The following SSBP3 variants were observed in gnomAD, a reference collection of about 807,000 sequenced individuals.
The protein encoded by SSBP3 is single stranded DNA binding protein 3.
A neutral mutation model predicts 69.6 loss-of-function variants in SSBP3; 5 were observed. The observed-to-expected ratio is 0.07, with a 90% CI of 0.04 to 0.15. The LOEUF (loss-of-function observed/expected upper bound fraction) is 0.15. Ranked by LOEUF, SSBP3 falls within the 10% of genes least tolerant of loss-of-function variation. SSBP3 has a pLI of 1.00. For missense variants in SSBP3, 312 were observed against 534.0 expected (o/e 0.58, Z 4.10); for synonymous variants, 196 against 193.4 (o/e 1.01, Z -0.11).
intron 4 of SSBP3, among the ~76,000 whole-genome samples, chr1:54,327,620 T>C (rs1340163833): frequency 6.6e-6 from 1 of 152,156 alleles, no homozygotes; most frequent in Non-Finnish European, 1.5e-5. Flanking sequence ...TGCTGGGGAC[T>C]CGGTAGGCAA....
At chr1:54,248,267 G>A (rs939592700) in intron 9 of SSBP3, among the ~76,000 whole-genome samples, 8 of 152,322 alleles carry the variant, frequency 5.3e-5, no homozygotes, top group Admixed American at 1.3e-4. Context: ...GGGGCTGGCC[G>A]CCCTTCCTGA....
At chr1:54,286,746 G>A (rs548356596) in intron 4 of SSBP3, 1 of 152,376 alleles carries the variant, frequency 6.6e-6, no homozygotes, top group Admixed American at 6.5e-5. Context: ...GGGGGCCTCA[G>A]AGCGGTGCTT....
chr1:54,269,535 A>G (rs543676898), intron 5 of SSBP3, among the ~76,000 whole-genome samples: 1 of 152,242 alleles, frequency 6.6e-6, no homozygotes, highest in East Asian at 1.9e-4. Context: ...TGGCTATTAC[A>G]ATTAATCTAG....
chr1:54,253,452 A>T (rs1175392950), intron 7 of SSBP3, among the ~76,000 whole-genome samples: 2 of 151,932 alleles, frequency 1.3e-5, no homozygotes, highest in Non-Finnish European at 2.9e-5. Context: ...TCAGCCTCCC[A>T]AAATGCTGGG....
intron 4 of SSBP3, among the ~76,000 whole-genome samples, chr1:54,292,005 C>G (rs137893054): frequency 4.0e-3 from 607 of 152,316 alleles, no homozygotes; most frequent in Non-Finnish European, 7.0e-3. Context: ...GAGGCCCACA[C>G]TGACCCCCTT....
At chr1:54,341,178 T>C (rs913376385) in intron 4 of SSBP3, among the ~76,000 whole-genome samples, 2 of 152,200 alleles carry the variant, frequency 1.3e-5, no homozygotes, top group African/African-American at 4.8e-5. Context: ...GGCCCTACTG[T>C]TGTGTGGTCT....
intron 5 of SSBP3, among the ~76,000 whole-genome samples, chr1:54,268,321 C>A (rs997625871): frequency 2.0e-5 from 3 of 152,226 alleles, no homozygotes; most frequent in African/African-American, 7.2e-5. Context: ...CCACCGCTCG[C>A]CAGCGCTCAG....
intron 4 of SSBP3, among the ~76,000 whole-genome samples, chr1:54,341,101 C>G (rs1275892078): frequency 6.6e-6 from 1 of 152,212 alleles, no homozygotes; most frequent in Non-Finnish European, 1.5e-5. Flanking sequence ...AGTAAGCCGG[C>G]TGGCACCTGG....
rs530760928 is a variant in SSBP3 at position 54,272,008 on chromosome 1, G to A, written c.366+9430C>T. Among the ~76,000 whole-genome samples, 3 of 152,176 alleles carry A rather than the reference G, an allele frequency of 2.0e-5. No homozygotes were observed. The South Asian group carries it at 6.2e-4, about 32-fold the overall frequency. The stretch of plus-strand genomic sequence containing the variant: ...TGGTCTCGAACTCCCGACCTCAGGT[G>A]ATCTGCCCACCTTGACCTCCAAAGT... On this transcript the variant is annotated intron_variant, in intron 5 of 17. Transcript: ENST00000610401.
At chr1:54,317,553 T>G (rs962023031) in intron 4 of SSBP3, among the ~76,000 whole-genome samples, 1 of 152,018 alleles carries the variant, frequency 6.6e-6, no homozygotes, top group African/African-American at 2.4e-5. Context: ...AATCATAATT[T>G]GATAAACATG....
At chr1:54,246,406 T>C (rs1644734602) in intron 9 of SSBP3, among the ~76,000 whole-genome samples, 2 of 152,280 alleles carry the variant, frequency 1.3e-5, no homozygotes, top group African/African-American at 4.8e-5. Context: ...GTCTTCCAGA[T>C]GGAGTTCTTT....
chr1:54,228,693 C>A, intron 15 of SSBP3, 55 bp downstream of exon 15: 1 of 1,540,780 alleles, frequency 6.5e-7, no homozygotes, highest in South Asian at 1.2e-5. Flanking sequence ...GGAGCTGAGG[C>A]ACAGAGCTGG....
At position 54,240,876 on chromosome 1, in the gene SSBP3, C is replaced by G. The variant is rs1396394727; in HGVS notation, c.856+29G>C. ...ACATGCCCCACCCTCCACCACCAGA[C>G]CCCCCACTTTCCCCTCAAGCGCTCT... On this transcript the variant is annotated intron_variant, in intron 13 of 17. Transcript: ENST00000610401. The G allele has an allele frequency of 4.3e-6, 7 of 1,612,758 alleles. No homozygotes were observed. The Admixed American group carries it at 5.0e-5, about 12-fold the overall frequency.
chr1:54,361,319 A>G (rs1646948511), intron 4 of SSBP3, among the ~76,000 whole-genome samples: 1 of 152,188 alleles, frequency 6.6e-6, no homozygotes, highest in Non-Finnish European at 1.5e-5. Context: ...TGCTAACTAT[A>G]AAGAGGTAAA....
chr1:54,238,344 C>G, intron 14 of SSBP3: 2 of 470,776 alleles, frequency 4.2e-6, no homozygotes, highest in South Asian at 1.5e-5. Context: ...GCTCTACAGT[C>G]TGTAGACCTC....
chr1:54,406,548 C>G (rs1649789122), upstream of SSBP3: 1 of 151,926 alleles, frequency 6.6e-6, no homozygotes, highest in Admixed American at 6.6e-5. Context: ...CGCGGCAGTC[C>G]CCGCTGCGGC....
chr1:54,288,446 C>T (rs1189465667), intron 4 of SSBP3, among the ~76,000 whole-genome samples: 1 of 152,162 alleles, frequency 6.6e-6, no homozygotes, highest in African/African-American at 2.4e-5. Context: ...GGCCATCAGA[C>T]CCAAATGAGG....
At position 54,341,397 on chromosome 1, in the gene SSBP3, G is replaced by T. The variant is rs1326125491; in HGVS notation, c.277-59870C>A. The stretch of plus-strand genomic sequence containing the variant: ...ACCTCACAGTGGGCCCATACCTTGA[G>T]AAACCTTAAAAAATTACAGTGATTT... On this transcript the variant is annotated intron_variant, in intron 4 of 17. Coordinates refer to ENST00000610401, the Ensembl canonical transcript of SSBP3. Among the ~76,000 whole-genome samples, 9 of 152,236 alleles carry T rather than the reference G, an allele frequency of 5.9e-5. No individual in the cohort carries two copies. In the East Asian group the frequency reaches 1.7e-3, roughly 29 times the overall value.
chr1:54,343,196 T>C (rs982371073), intron 4 of SSBP3, among the ~76,000 whole-genome samples: 1 of 152,142 alleles, frequency 6.6e-6, no homozygotes, highest in African/African-American at 2.4e-5. Context: ...GCTACTACCA[T>C]TTATGTATTG....
Sources: gnomAD v4.1 joint callset for allele counts (sites outside exome capture counted in the v4.1 genomes callset) on GRCh38, gnomAD v4.1.1 for gene constraint, MANE v1.5 for transcripts, NCBI Gene and HGNC (gene_info 2026-07-23, HGNC 2026-07-21) for gene names.